Variants in SGK1 observed in about 807,000 individuals in gnomAD.
The protein encoded by SGK1 is serine/threonine-protein kinase Sgk1.
In SGK1, 26 loss-of-function variants were observed where a neutral mutation model predicts 64.2. The observed-to-expected ratio is 0.40, with a 90% CI of 0.30 to 0.56. The LOEUF (loss-of-function observed/expected upper bound fraction) is 0.56, where lower values mean the gene tolerates loss of function less well. Ranked by LOEUF, SGK1 falls within the 20% of genes least tolerant of loss-of-function variation. The pLI is 0.38. For missense variants in SGK1, 519 were observed against 645.6 expected (o/e 0.80, Z 2.12); for synonymous variants, 265 against 239.7 (o/e 1.11, Z -0.98).
chr6:134,265,505 CAT>C (rs1374981922), intron 1 of SGK1, among the ~76,000 whole-genome samples: 18 of 146,744 alleles, frequency 1.2e-4, no homozygotes, highest in African/African-American at 4.2e-4. Flanking sequence ...TATATATACA[CAT>C]ATATATTTTA....
chr6:134,230,616 T>C (rs1004466205), intron 2 of SGK1: 7 of 152,150 alleles, frequency 4.6e-5, no homozygotes, highest in Non-Finnish European at 1.0e-4. Context: ...CCACCTGGTC[T>C]CTCCTTGCCA....
chr6:134,215,627 T>A (rs1775966925), intron 2 of SGK1, among the ~76,000 whole-genome samples: 1 of 150,248 alleles, frequency 6.7e-6, no homozygotes, highest in Non-Finnish European at 1.5e-5. Flanking sequence ...ATGCCTGTAA[T>A]CCCAGCACTG....
chr6:134,176,489 C>T (rs372277728), intron 3 of SGK1, among the ~76,000 whole-genome samples: 11 of 152,334 alleles, frequency 7.2e-5, no homozygotes, highest in African/African-American at 2.4e-4. Flanking sequence ...GCAGCCTGAC[C>T]GCCGGCGCGG....
At chr6:134,235,541 T>A (rs55877799) in intron 2 of SGK1, among the ~76,000 whole-genome samples, 3,917 of 92,110 alleles carry the variant, frequency 0.043, 139 homozygotes, top group African/African-American at 0.14. Context: ...AAATAGATAT[T>A]TTTATTTATT....
intron 2 of SGK1, among the ~76,000 whole-genome samples, chr6:134,208,750 A>ATC (rs1775833441): frequency 5.3e-5 from 5 of 94,760 alleles, no homozygotes; most frequent in African/African-American, 1.1e-4. Flanking sequence ...GTATGCGTAT[A>ATC]TATATATATA....
chr6:134,257,366 G>T (rs186104763), intron 2 of SGK1, among the ~76,000 whole-genome samples: 236 of 152,266 alleles, frequency 1.5e-3, no homozygotes, highest in African/African-American at 5.4e-3. Flanking sequence ...TCGTGCCATT[G>T]CACCCCAGCC....
At chr6:134,174,457 C>G in intron 4 of SGK1, 54 bp downstream of exon 4, 1 of 1,346,368 alleles carries the variant, frequency 7.4e-7, no homozygotes, top group Non-Finnish European at 1.1e-6. Flanking sequence ...AGAATGTTTA[C>G]CGCTGGCAAA....
intron 1 of SGK1, among the ~76,000 whole-genome samples, chr6:134,300,649 T>TTTG (rs1777438810): frequency 6.9e-6 from 1 of 145,074 alleles, no homozygotes; most frequent in Non-Finnish European, 1.5e-5. Flanking sequence ...TTTTTTTTTT[T>TTTG]GGAGATGGAG....
intron 2 of SGK1, among the ~76,000 whole-genome samples, chr6:134,240,514 G>A (rs1776426989): frequency 6.6e-6 from 1 of 152,124 alleles, no homozygotes; most frequent in Non-Finnish European, 1.5e-5. Context: ...TGAATATCCT[G>A]TATATTCCTG....
At chr6:134,276,447 T>C (rs1216851049) in intron 1 of SGK1, among the ~76,000 whole-genome samples, 1 of 152,100 alleles carries the variant, frequency 6.6e-6, no homozygotes, top group South Asian at 2.1e-4. Context: ...AGGGCCAACC[T>C]TGGGGTGAGT....
chr6:134,220,474 A>G (rs1225409745), intron 2 of SGK1, among the ~76,000 whole-genome samples: 2 of 152,210 alleles, frequency 1.3e-5, no homozygotes, highest in Non-Finnish European at 2.9e-5. Context: ...TGGTAGAAAT[A>G]GTTAGATATA....
At chr6:134,175,743 G>A in intron 3 of SGK1, 1 of 1,360,018 alleles carries the variant, frequency 7.4e-7, no homozygotes, top group Non-Finnish European at 9.5e-7. Context: ...CCGTGACTCA[G>A]GCCGGGCAAG....
intron 3 of SGK1, among the ~76,000 whole-genome samples, chr6:134,204,264 ATAAT>A (rs1332538798): frequency 1.6e-5 from 2 of 127,702 alleles, no homozygotes; most frequent in African/African-American, 5.6e-5. Flanking sequence ...AAATAAATAA[ATAAT>A]TACTCTAGAC....
At position 134,173,106 on chromosome 6, in the gene SGK1, G is replaced by A. The variant is rs1582683357; in HGVS notation, c.751C>T (p.His251Tyr). 1 of 1,613,970 alleles carries A rather than the reference G, an allele frequency of 6.2e-7. No homozygotes were observed. The highest frequency in any genetic ancestry group is 8.5e-7 in the Non-Finnish European group (1 of 1,179,842). The change falls in exon 8 of 14, where the codon CAC becomes TAC. Residue 251 changes from histidine (H) to tyrosine (Y), a missense_variant. Physicochemically the swap from His to Tyr is moderately conservative, Grantham distance 83. Around this residue, in one of 2 missense-constraint regions of SGK1, gnomAD observed 278 missense variants for 408.7 expected, o/e 0.68. Coordinates refer to ENST00000367858, the MANE Select transcript of SGK1 (RefSeq NM_001143676.3). ...AAGTGAAGGCCCACCAGGAAAGGGT[G>A]CTTCACATTCTTCAACAGAACATTC... ...ERNVLLKNVKHPFLVGLHFSF... is the reference protein window; with the variant it reads ...ERNVLLKNVKYPFLVGLHFSF...
At chr6:134,212,462 C>A (rs1775908060) in intron 2 of SGK1, among the ~76,000 whole-genome samples, 2 of 152,156 alleles carry the variant, frequency 1.3e-5, no homozygotes, top group Non-Finnish European at 2.9e-5. Context: ...CCTTAGCTTT[C>A]CATTTCCAAG....
At chr6:134,311,255 G>C (rs1259464027) in intron 1 of SGK1, among the ~76,000 whole-genome samples, 1 of 152,192 alleles carries the variant, frequency 6.6e-6, no homozygotes, top group Non-Finnish European at 1.5e-5. Flanking sequence ...AGTAATAGAA[G>C]GATTTGTTCT....
At chr6:134,209,069 A>G (rs1247784391) in intron 2 of SGK1, among the ~76,000 whole-genome samples, 1 of 152,156 alleles carries the variant, frequency 6.6e-6, no homozygotes, top group Non-Finnish European at 1.5e-5. Context: ...TAGATTTCAT[A>G]TAACAAGTTC....
chr6:134,236,257 T>A (rs1315638788), intron 2 of SGK1, among the ~76,000 whole-genome samples: 1 of 152,162 alleles, frequency 6.6e-6, no homozygotes, highest in Non-Finnish European at 1.5e-5. Flanking sequence ...ACATTTTACA[T>A]AATATTGGGT....
chr6:134,225,019 AAAAAG>A (rs1245739684), intron 2 of SGK1, among the ~76,000 whole-genome samples: 5 of 147,458 alleles, frequency 3.4e-5, no homozygotes, highest in Admixed American at 2.0e-4. Flanking sequence ...AAAAAAAAAA[AAAAAG>A]AAAAAAGAAA....
Sources: gnomAD v4.1 joint callset for allele counts (sites outside exome capture counted in the v4.1 genomes callset) on GRCh38, gnomAD v4.1.1 for gene constraint, gnomAD v4.1.1 regional missense constraint, MANE v1.5 for transcripts, NCBI Gene and HGNC (gene_info 2026-07-23, HGNC 2026-07-21) for gene names.